The following MTSS1 variants were observed in gnomAD, a reference collection of about 807,000 sequenced individuals.
The protein encoded by MTSS1 is protein MTSS 1.
In MTSS1, 18 loss-of-function variants were observed where a neutral mutation model predicts 79.0. That is an observed-to-expected ratio of 0.23 (90% CI 0.16 to 0.34). The LOEUF (loss-of-function observed/expected upper bound fraction) is 0.34, where lower values mean the gene tolerates loss of function less well. Among genes scored for constraint, MTSS1 ranks in the 10% least tolerant of loss-of-function variants. MTSS1 has a pLI of 1.00. For missense variants in MTSS1, 815 were observed against 986.2 expected, an observed-to-expected ratio of 0.83 and a Z score of 2.33; for synonymous variants, 341 against 368.6, an observed-to-expected ratio of 0.93 and a Z score of 0.86.
chr8:124,560,333 C>A (rs974641976), intron 10 of MTSS1, among the ~76,000 whole-genome samples: 1 of 151,968 alleles, frequency 6.6e-6, no homozygotes. Context: ...ACAGCCTGGG[C>A]AAGATAGCAA....
At chr8:124,563,027 G>A (rs201248767) in intron 9 of MTSS1, 35 bp from the exon 10 acceptor site, 601 of 1,554,306 alleles carry the variant, frequency 3.9e-4, no homozygotes, top group Non-Finnish European at 4.8e-4. Context: ...GGGTGGGCAC[G>A]GAAGGTAAAG....
Position 124,700,138 on chromosome 8 carries a change from C to CAA in MTSS1, c.135-541_135-540dup, listed in dbSNP as rs35425469. Among the ~76,000 whole-genome samples, 51 of 135,970 alleles carry CAA rather than the reference C, an allele frequency of 3.8e-4. 2 individuals are homozygous for CAA. The highest frequency in any genetic ancestry group is 1.2e-3 in the East Asian group (6 of 4,850). 89.2% of individuals were successfully genotyped at this position (135,970 alleles called of 152,430 possible). A position where few individuals can be genotyped will look rare whatever the true frequency, so the allele number is the denominator to read the frequency against. ...TAGGTGACAGAGCAAGACTCTGCCT[C>CAA]AAAAAAAAAAAGAAAAAAGAAACAC... On this transcript the variant is annotated intron_variant, in intron 2 of 13. Transcript: ENST00000518547.
At chr8:124,725,409 G>A (rs1295663935) in intron 1 of MTSS1, among the ~76,000 whole-genome samples, 1 of 151,898 alleles carries the variant, frequency 6.6e-6, no homozygotes, top group Non-Finnish European at 1.5e-5. Flanking sequence ...TTCCTGTGCT[G>A]CTGTACATTT....
intron 1 of MTSS1, among the ~76,000 whole-genome samples, chr8:124,713,488 A>T (rs1334438310): frequency 3.3e-5 from 5 of 152,092 alleles, no homozygotes; most frequent in African/African-American, 1.2e-4. Flanking sequence ...CAGTGATGTG[A>T]TCTTGGCTCA....
intron 3 of MTSS1, among the ~76,000 whole-genome samples, chr8:124,616,396 T>G (rs1382625123): frequency 7.7e-6 from 1 of 130,404 alleles, no homozygotes; most frequent in Non-Finnish European, 1.6e-5. Context: ...AAAAAAAAAA[T>G]CAGCTTTATT....
Position 124,599,789 on chromosome 8 carries a change from C to T in MTSS1, c.209-8554G>A, listed in dbSNP as rs1179940850. On this transcript the variant is annotated intron_variant, in intron 3 of 13. Coordinates refer to ENST00000518547, the MANE Select transcript of MTSS1 (RefSeq NM_014751.6). ...TTCCCACACACTTGGATGGCAGGCACACTCCACGCAGCCTGCAAGCCATAG... is the reference window on the plus strand; with the variant it reads ...TTCCCACACACTTGGATGGCAGGCATACTCCACGCAGCCTGCAAGCCATAG... 5.9e-5 allele frequency among the ~76,000 whole-genome samples: 9 copies of T among 152,252 alleles called. No individual in the cohort carries two copies. In the East Asian group the frequency reaches 1.7e-3, roughly 29 times the overall value.
At position 124,582,187 on chromosome 8, in the gene MTSS1, A is replaced by T. The variant is rs114513920; in HGVS notation, c.460+2900T>A. ...TGACAAGCTTGCCTTCAAGAAAAACAGGCACACTCATCCACAGCCATAGCA... is the reference window on the plus strand; with the variant it reads ...TGACAAGCTTGCCTTCAAGAAAAACTGGCACACTCATCCACAGCCATAGCA... On this transcript the variant is annotated intron_variant, in intron 6 of 13. Coordinates refer to ENST00000518547, the MANE Select transcript of MTSS1 (RefSeq NM_014751.6). The surrounding 1 kb of genome is among the most constrained non-coding windows in gnomAD (Gnocchi z 4.8). 4.1e-3 allele frequency among the ~76,000 whole-genome samples: 626 copies of T among 152,324 alleles called. 3 individuals are homozygous for T. The highest frequency in any genetic ancestry group is 0.015 in the African/African-American group (606 of 41,568).
At chr8:124,585,212 ATATGT>A (rs750694481) in intron 5 of MTSS1, 51 bp from the exon 6 acceptor site, 147 of 1,360,892 alleles carry the variant, frequency 1.1e-4, no homozygotes, top group Non-Finnish European at 1.4e-4. Flanking sequence ...TTAACAGAAA[ATATGT>A]TAGGTAGGAA....
rs975218537 is a variant in MTSS1 at position 124,627,325 on chromosome 8, C to T, written c.209-36090G>A. 5.3e-5 allele frequency among the ~76,000 whole-genome samples: 8 copies of T among 152,218 alleles called. No homozygotes were observed. The East Asian group carries it at 9.6e-4, about 18-fold the overall frequency. ...GAAACTGGGGCATAATCGTTACATT[C>T]GCTAACACTGACTGAGTGCCACTTC... On this transcript the variant is annotated intron_variant, in intron 3 of 13. Coordinates refer to ENST00000518547, the MANE Select transcript of MTSS1 (RefSeq NM_014751.6).
At chr8:124,601,646 G>A (rs1287537162) in intron 3 of MTSS1, among the ~76,000 whole-genome samples, 1 of 152,200 alleles carries the variant, frequency 6.6e-6, no homozygotes, top group African/African-American at 2.4e-5. Flanking sequence ...CGGCGGGCTG[G>A]AGGACTGCCC....
At chr8:124,563,324 C>T (rs764196660) in intron 9 of MTSS1, 7 of 316,502 alleles carry the variant, frequency 2.2e-5, no homozygotes, top group Admixed American at 4.8e-5. Context: ...TCTGCTGCTT[C>T]GCCTACCACC....
At chr8:124,662,520 G>A (rs781200903) in intron 3 of MTSS1, among the ~76,000 whole-genome samples, 8 of 152,112 alleles carry the variant, frequency 5.3e-5, no homozygotes, top group Non-Finnish European at 1.2e-4. Context: ...ACAATTACCT[G>A]GAGAGCCTTT....
intron 3 of MTSS1, among the ~76,000 whole-genome samples, chr8:124,689,509 G>A (rs1827575291): frequency 1.3e-5 from 2 of 152,156 alleles, no homozygotes; most frequent in Non-Finnish European, 2.9e-5. Context: ...ACTTTGGGAG[G>A]CTGAGGCAGG....
rs1176356802 is a variant in MTSS1, at chr8:124,601,003, T to C, written c.209-9768A>G. 2.0e-5 allele frequency among the ~76,000 whole-genome samples: 3 copies of C among 151,808 alleles called. No homozygotes were observed. The East Asian group carries it at 5.8e-4, about 29-fold the overall frequency. On this transcript the variant is annotated intron_variant, in intron 3 of 13. Transcript: ENST00000518547. ...CCACCCCTTCAAAACAGGAAGGCCGTTGCCCTTGGCTGAACAGCTTTTTAA... is the reference window on the plus strand; with the variant it reads ...CCACCCCTTCAAAACAGGAAGGCCGCTGCCCTTGGCTGAACAGCTTTTTAA...
chr8:124,551,125 AG>A lies in MTSS1; in HGVS notation c.*1866del. The stretch of plus-strand genomic sequence containing the variant: ...ACTAAACAAGTGAAAAGCTGTACCA[AG>A]GTACAGTTACATCCATTTATTTCAA... On this transcript the variant is annotated 3_prime_UTR_variant, in exon 14 of 14. Transcript: ENST00000518547. 1 of 152,614 alleles carries A rather than the reference AG, an allele frequency of 6.6e-6. No homozygotes were observed. Among genetic ancestry groups the A allele is most frequent in the African/African-American group, 2.4e-5 (1 of 41,468 alleles). The allele number at this position is 152,614 out of a possible 1,614,324, so 9.5% of individuals were successfully genotyped here.
intron 10 of MTSS1, chr8:124,558,705 G>A: frequency 1.9e-6 from 3 of 1,540,588 alleles, no homozygotes; most frequent in Non-Finnish European, 2.6e-6. Flanking sequence ...TGCCACCCGG[G>A]CGGTCACCTT....
intron 3 of MTSS1, among the ~76,000 whole-genome samples, chr8:124,622,974 G>C (rs887262230): frequency 6.6e-6 from 1 of 152,180 alleles, no homozygotes; most frequent in African/African-American, 2.4e-5. Context: ...GGCAAAGTCA[G>C]AGCACAGACG....
At chr8:124,630,408 G>C (rs1009542109) in intron 3 of MTSS1, among the ~76,000 whole-genome samples, 1 of 152,240 alleles carries the variant, frequency 6.6e-6, no homozygotes, top group African/African-American at 2.4e-5. Context: ...GGACCTGAAA[G>C]AGGAGGTGGA....
intron 3 of MTSS1, among the ~76,000 whole-genome samples, chr8:124,649,897 G>T (rs760844939): frequency 6.6e-6 from 1 of 151,876 alleles, no homozygotes; most frequent in African/African-American, 2.4e-5. Context: ...ATATGGAAAA[G>T]ACTAAGAGCA....
Sources: allele counts gnomAD v4.1 joint callset (sites outside exome capture counted in the v4.1 genomes callset), GRCh38; gene constraint gnomAD v4.1.1; non-coding constraint Gnocchi (gnomAD v3.1); transcripts MANE v1.5; gene names NCBI Gene and HGNC (gene_info 2026-07-23, HGNC 2026-07-21).